Variants in LRRC4C observed in about 807,000 individuals in gnomAD.
LRRC4C encodes the protein leucine rich repeat containing 4C.
LRRC4C carries 5 observed loss-of-function variants against 33.6 expected under a neutral mutation model. That is an observed-to-expected ratio of 0.15 (90% CI 0.08 to 0.31). The LOEUF (loss-of-function observed/expected upper bound fraction) is 0.31. Ranked by LOEUF, LRRC4C falls within the 10% of genes least tolerant of loss-of-function variation. The probability of loss-of-function intolerance (pLI) is 1.00; values close to 1 mark genes in which losing one functional copy is unlikely to be tolerated. For synonymous variants in LRRC4C, 329 were observed against 302.0 expected (o/e 1.09, Z -0.93); for missense variants, 560 against 796.7 (o/e 0.70, Z 3.58).
At chr11:40,683,360 T>A (rs1040262187) in intron 2 of LRRC4C, among the ~76,000 whole-genome samples, 6 of 152,182 alleles carry the variant, frequency 3.9e-5, no homozygotes, top group Non-Finnish European at 5.9e-5. Context: ...TATGTTCAAG[T>A]ATTGAAATAG....
chr11:40,616,437 G>A (rs1413033866), intron 3 of LRRC4C, among the ~76,000 whole-genome samples: 3 of 151,692 alleles, frequency 2.0e-5, no homozygotes, highest in Non-Finnish European at 4.4e-5. Context: ...TATAAATCAT[G>A]CTGCTATAAA....
chr11:41,015,688 A>G (rs1855531410), intron 1 of LRRC4C, among the ~76,000 whole-genome samples: 1 of 152,178 alleles, frequency 6.6e-6, no homozygotes, highest in African/African-American at 2.4e-5. Flanking sequence ...GTACTCATAT[A>G]ATTTAAATTT....
At chr11:40,720,734 C>T (rs544577399) in intron 2 of LRRC4C, among the ~76,000 whole-genome samples, 1 of 152,216 alleles carries the variant, frequency 6.6e-6, no homozygotes, top group African/African-American at 2.4e-5. Flanking sequence ...TTCTATTTTT[C>T]CCCCCAAAGA....
chr11:40,807,367 T>C (rs1421571275), intron 2 of LRRC4C, among the ~76,000 whole-genome samples: 1 of 152,190 alleles, frequency 6.6e-6, no homozygotes, highest in African/African-American at 2.4e-5. Context: ...CCTGTAATAG[T>C]AGGTCTAACC....
At chr11:40,799,394 T>C (rs1257284150) in intron 2 of LRRC4C, among the ~76,000 whole-genome samples, 1 of 151,952 alleles carries the variant, frequency 6.6e-6, no homozygotes, top group Non-Finnish European at 1.5e-5. Context: ...AGTCCTCTCT[T>C]ATGTTTTATG....
rs1174556165 is a variant in LRRC4C, at chr11:40,913,869, A to T, written c.-407+19766T>A. Among the ~76,000 whole-genome samples the T allele has an allele frequency of 2.6e-5, 4 of 152,312 alleles. No homozygotes were observed. The East Asian group carries it at 7.7e-4, about 29-fold the overall frequency. On this transcript the variant is annotated intron_variant, in intron 2 of 6. Transcript: ENST00000528697. ...AATAAAAAATGATAAAGGGGATATC[A>T]CCACCGATCCCACAGAAACACAAAC...
intron 1 of LRRC4C, among the ~76,000 whole-genome samples, chr11:41,226,702 G>T (rs1414204509): frequency 6.7e-6 from 1 of 148,678 alleles, no homozygotes; most frequent in Admixed American, 6.8e-5. Flanking sequence ...CCTTGCTACT[G>T]GTCCATTCAG....
chr11:40,290,600 G>A lies in LRRC4C; in HGVS notation c.-176+29028C>T, dbSNP rs76445133. 7.5e-3 allele frequency among the ~76,000 whole-genome samples: 1,137 copies of A among 152,276 alleles called. 11 individuals carry two copies. The highest frequency in any genetic ancestry group is 0.026 in the African/African-American group (1,061 of 41,550). On this transcript the variant is annotated intron_variant, in intron 4 of 6. Coordinates refer to ENST00000528697, the MANE Select transcript of LRRC4C (RefSeq NM_001258419.2). ...TCTCTAATATAAATCTAACTCTACAGTTCTTTAATGACTCTCTGGGGACCA... is the reference window on the plus strand; with the variant it reads ...TCTCTAATATAAATCTAACTCTACAATTCTTTAATGACTCTCTGGGGACCA...
At chr11:40,839,868 T>C (rs11036096) in intron 2 of LRRC4C, among the ~76,000 whole-genome samples, 15,315 of 152,168 alleles carry the variant, frequency 0.1, 821 homozygotes, top group South Asian at 0.15. Context: ...ATAATTTCAA[T>C]CCAGAATCAC....
At chr11:41,179,668 G>T (rs1041236618) in intron 1 of LRRC4C, among the ~76,000 whole-genome samples, 1 of 152,132 alleles carries the variant, frequency 6.6e-6, no homozygotes, top group Non-Finnish European at 1.5e-5. Flanking sequence ...TTCTCACTAA[G>T]ATAGAAAGTC....
At chr11:40,878,493 G>A (rs1448462191) in intron 2 of LRRC4C, among the ~76,000 whole-genome samples, 1 of 152,166 alleles carries the variant, frequency 6.6e-6, no homozygotes, top group Non-Finnish European at 1.5e-5. Context: ...GCCCTCGCAT[G>A]TGCAATTCAC....
chr11:40,431,473 A>G (rs907098319), intron 3 of LRRC4C, among the ~76,000 whole-genome samples: 2 of 151,670 alleles, frequency 1.3e-5, no homozygotes, highest in Non-Finnish European at 2.9e-5. Context: ...CTAGGCAACC[A>G]GCCTCTCATA....
chr11:40,376,413 T>A lies in LRRC4C; in HGVS notation c.-269-56692A>T, dbSNP rs190186183. Among the ~76,000 whole-genome samples, 789 of 152,268 alleles carry A rather than the reference T, an allele frequency of 5.2e-3. 5 individuals carry two copies. The highest frequency in any genetic ancestry group is 0.014 in the Middle Eastern group (4 of 294). ...TGAACAGAGCAGAGACGACATCTGT[T>A]AGAATTTTGTTGGAGTGCGAGAAAA... On this transcript the variant is annotated intron_variant, in intron 3 of 6. Coordinates refer to ENST00000528697, the MANE Select transcript of LRRC4C (RefSeq NM_001258419.2).
chr11:40,394,038 A>T (rs7951893), intron 3 of LRRC4C, among the ~76,000 whole-genome samples: 1 of 151,768 alleles, frequency 6.6e-6, no homozygotes, highest in Non-Finnish European at 1.5e-5. Context: ...GGGGATAAAA[A>T]TAGGCCAAAA....
chr11:41,137,173 A>C (rs2135881456), intron 1 of LRRC4C, among the ~76,000 whole-genome samples: 1 of 152,074 alleles, frequency 6.6e-6, no homozygotes, highest in South Asian at 2.1e-4. Flanking sequence ...GCTTGAACCC[A>C]GGAGGTCGCA....
intron 5 of LRRC4C, among the ~76,000 whole-genome samples, chr11:40,216,868 A>G (rs1327333651): frequency 6.6e-6 from 1 of 152,146 alleles, no homozygotes; most frequent in Non-Finnish European, 1.5e-5. Context: ...TGCCAAGTCA[A>G]TCTTTTTGAA....
intron 1 of LRRC4C, among the ~76,000 whole-genome samples, chr11:41,175,625 G>A (rs908089845): frequency 1.3e-5 from 2 of 151,876 alleles, no homozygotes; most frequent in African/African-American, 4.8e-5. Context: ...ACTTCAAGAG[G>A]GTGGATAAAT....
intron 4 of LRRC4C, among the ~76,000 whole-genome samples, chr11:40,249,216 G>A (rs921517026): frequency 1.3e-5 from 2 of 152,126 alleles, no homozygotes; most frequent in Non-Finnish European, 2.9e-5. Flanking sequence ...GTGGGAGCCT[G>A]TAATCCCAGC....
chr11:40,519,092 G>C (rs980574288), intron 3 of LRRC4C, among the ~76,000 whole-genome samples: 3 of 152,104 alleles, frequency 2.0e-5, no homozygotes, highest in African/African-American at 7.2e-5. Flanking sequence ...GCCTGTTGGG[G>C]AGTGGGGAGC....
Sources: gnomAD v4.1 joint callset for allele counts (sites outside exome capture counted in the v4.1 genomes callset) on GRCh38, gnomAD v4.1.1 for gene constraint, MANE v1.5 for transcripts, NCBI Gene and HGNC (gene_info 2026-07-23, HGNC 2026-07-21) for gene names.